EPRS1: variants seen among roughly 807,000 people sequenced by gnomAD.
EPRS1 encodes bifunctional glutamate/proline--tRNA ligase.
EPRS1 carries 107 observed loss-of-function variants against 188.3 expected under a neutral mutation model. The observed-to-expected ratio is 0.57, with a 90% CI of 0.49 to 0.67. The LOEUF is 0.67. Among genes scored for constraint, EPRS1 ranks in the 30% least tolerant of loss-of-function variants. EPRS1 has a pLI of 0.00. For synonymous variants in EPRS1, 596 were observed against 593.1 expected (o/e 1.00, Z -0.07); for missense variants, 1,577 against 1,802.2 (o/e 0.88, Z 2.26).
chr1:220,022,199 C>T, intron 9 of EPRS1, 148 bp downstream of exon 9: 1 of 646,076 alleles, frequency 1.5e-6, no homozygotes, highest in East Asian at 2.7e-5. Context: ...TGAAAGGCTA[C>T]ATGCCTTTAC....
At chr1:219,970,015 T>C (rs1558267681) in intron 30 of EPRS1, among the ~76,000 whole-genome samples, 1 of 151,920 alleles carries the variant, frequency 6.6e-6, no homozygotes, top group Non-Finnish European at 1.5e-5. Context: ...AGAGACGGGG[T>C]TTCGCCATGT....
intron 30 of EPRS1, among the ~76,000 whole-genome samples, chr1:219,969,527 AT>A (rs1367372733): frequency 6.6e-6 from 1 of 152,148 alleles, no homozygotes; most frequent in African/African-American, 2.4e-5. Flanking sequence ...TAGCAAACTG[AT>A]TTTTAATGTG....
At chr1:220,007,406 TAC>T in intron 13 of EPRS1, 68 bp from the exon 14 acceptor site, 1 of 1,471,764 alleles carries the variant, frequency 6.8e-7, no homozygotes, top group South Asian at 1.2e-5. Context: ...TGCAAATTTA[TAC>T]ATTCATTCTA....
At chr1:219,969,168 T>C in intron 30 of EPRS1, 46 bp from the exon 31 acceptor site, 1 of 1,279,102 alleles carries the variant, frequency 7.8e-7, no homozygotes, top group Non-Finnish European at 1.1e-6. Flanking sequence ...ACTCCTTCAA[T>C]TCTATTCTGC....
intron 15 of EPRS1, 35 bp from the exon 16 acceptor site, chr1:220,005,395 C>G: frequency 9.3e-7 from 1 of 1,078,488 alleles, no homozygotes; most frequent in Non-Finnish European, 1.4e-6. Context: ...TACACTTTCT[C>G]AAAATCATAG....
intron 9 of EPRS1, among the ~76,000 whole-genome samples, chr1:220,021,580 T>C (rs1308889096): frequency 1.3e-5 from 2 of 152,218 alleles, no homozygotes; most frequent in Non-Finnish European, 2.9e-5. Flanking sequence ...ACTGAAAATG[T>C]GTATCCAAAG....
chr1:220,032,372 GAAAA>G lies in EPRS1; in HGVS notation c.528+11_528+14del. On this transcript the variant is annotated intron_variant, in intron 5 of 31. Transcript: ENST00000366923. ...AAGTGTTTTTTTTTTTAAAAAAAAAGAAAAAAAGGCTTACCACTCGAGCTTTGGT... is the reference window on the plus strand; with the variant it reads ...AAGTGTTTTTTTTTTTAAAAAAAAAGAAAGGCTTACCACTCGAGCTTTGGT... The G allele has an allele frequency of 1.3e-6, 2 of 1,551,204 alleles. No homozygotes were observed. The highest frequency in any genetic ancestry group is 1.4e-5 in the African/African-American group (1 of 69,568).
intron 24 of EPRS1, among the ~76,000 whole-genome samples, 176 bp from the exon 25 acceptor site, chr1:219,981,033 G>GGGC (rs1346345835): frequency 6.6e-6 from 1 of 151,970 alleles, no homozygotes. Flanking sequence ...CCAAGTAGCT[G>GGGC]GGCTACAGGT....
intron 16 of EPRS1, among the ~76,000 whole-genome samples, chr1:220,004,184 T>C (rs546247773): frequency 3.3e-5 from 5 of 152,240 alleles, no homozygotes; most frequent in African/African-American, 1.2e-4. Flanking sequence ...TGTACCACCA[T>C]GCCTGGTTAA....
rs1395050533 is a variant in EPRS1 at position 220,034,942 on chromosome 1, T to C, written c.203A>G (p.Tyr68Cys). The C allele has an allele frequency of 1.2e-6, 2 of 1,602,368 alleles. No homozygotes were observed. Among genetic ancestry groups the C allele is most frequent in the Non-Finnish European group, 1.7e-6 (2 of 1,170,354 alleles). ...AGTATGTTCCATCAGATTAGAGCCATATAACCCAGCTGTAGTTGCAACTCT... is the reference window on the plus strand; with the variant it reads ...AGTATGTTCCATCAGATTAGAGCCACATAACCCAGCTGTAGTTGCAACTCT... ...LARVATTAGL[Y>C]GSNLMEHTEI... Residue 68 changes from tyrosine (Y) to cysteine (C), a missense_variant, in exon 3 of 32, where the codon TAT becomes TGT. Physicochemically the swap from Tyr to Cys is radical, Grantham distance 194. Transcript: ENST00000366923.
intron 16 of EPRS1, among the ~76,000 whole-genome samples, chr1:220,003,133 C>T (rs561392545): frequency 6.6e-6 from 1 of 152,178 alleles, no homozygotes; most frequent in Non-Finnish European, 1.5e-5. Flanking sequence ...ACATTTCTAA[C>T]CCTTGTTATT....
chr1:219,989,956 A>G (rs1342075929), intron 18 of EPRS1, among the ~76,000 whole-genome samples: 1 of 152,136 alleles, frequency 6.6e-6, no homozygotes, highest in Non-Finnish European at 1.5e-5. Flanking sequence ...CAAGGGGGGA[A>G]AAAAGGGAAA....
rs561700755 is a variant in EPRS1 at position 219,970,995 on chromosome 1, G to T, written c.4323+1074C>A. ...AATTTTCCCAGCTCAAGAAATAAGA[G>T]ACATATTAATACGTTATGACCATAA... is the stretch of plus-strand genomic sequence containing the variant. On this transcript the variant is annotated intron_variant, in intron 30 of 31. Transcript: ENST00000366923. 5.3e-5 allele frequency among the ~76,000 whole-genome samples: 8 copies of T among 152,068 alleles called. No homozygotes were observed. The East Asian group carries it at 1.5e-3, about 29-fold the overall frequency.
At chr1:219,987,495 T>C in intron 19 of EPRS1, 91 bp from the exon 20 acceptor site, 1 of 1,147,082 alleles carries the variant, frequency 8.7e-7, no homozygotes, top group Non-Finnish European at 1.2e-6. Context: ...GCTCAAAGCT[T>C]TCTTTTTTCC....
chr1:219,971,803 C>CACACACACATAA (rs1660672566), intron 30 of EPRS1, among the ~76,000 whole-genome samples: 1 of 59,178 alleles, frequency 1.7e-5, no homozygotes, highest in Non-Finnish European at 3.9e-5. Context: ...TATACATATA[C>CACACACACATAA]ACACACACTA....
At chr1:219,977,457 G>A (rs1372012475) in intron 28 of EPRS1, among the ~76,000 whole-genome samples, 4 of 152,150 alleles carry the variant, frequency 2.6e-5, no homozygotes, top group African/African-American at 7.2e-5. Context: ...AAGAATTCAG[G>A]AATGAACGTG....
At chr1:220,005,858 C>T (rs1196811740) in intron 15 of EPRS1, among the ~76,000 whole-genome samples, 3 of 78,208 alleles carry the variant, frequency 3.8e-5, no homozygotes, top group African/African-American at 6.2e-5. Flanking sequence ...TTTGTAGAGA[C>T]GGGGTTTCAC....
rs1158736102 is a variant in EPRS1 at position 219,997,216 on chromosome 1, T to G, written c.2308A>C (p.Lys770Gln). Residue 770 changes from lysine (K) to glutamine (Q), a missense_variant, in exon 18 of 32, where the codon AAG becomes CAG. Lys to Gln is a moderately conservative substitution (Grantham distance 53). Coordinates refer to ENST00000366923, the MANE Select transcript of EPRS1 (RefSeq NM_004446.3). ...TCTACATCTTCCTTTGGTGCTTTCT[T>G]GGCTTTTAATTCACGAACCACATCT... ...QGDVVRELKAKKAPKEDVDAA... is the reference protein window; with the variant it reads ...QGDVVRELKAQKAPKEDVDAA... 1.2e-6 allele frequency: 2 copies of G among 1,614,132 alleles called. No individual in the cohort carries two copies. The highest frequency in any genetic ancestry group is 1.7e-6 in the Non-Finnish European group (2 of 1,179,984).
In EPRS1 at chr1:220,032,392, G is replaced by T. The variant is rs756747498; in HGVS notation, c.523C>A (p.Arg175=). 1.9e-6 allele frequency: 3 copies of T among 1,590,566 alleles called. No individual in the cohort carries two copies. Among genetic ancestry groups the T allele is most frequent in the Non-Finnish European group, 2.6e-6 (3 of 1,173,464 alleles). Residue 175 remains arginine (R), a synonymous_variant, in exon 5 of 32, where the codon CGA becomes AGA. Transcript: ENST00000366923. ...TKWDVSTTKA[R]VAPEKKQDVG... ...AAAAAGAAAAAAAGGCTTACCACTCGAGCTTTGGTTGTTGAAACATCCCAC... is the reference window on the plus strand; with the variant it reads ...AAAAAGAAAAAAAGGCTTACCACTCTAGCTTTGGTTGTTGAAACATCCCAC...
Sources: allele counts gnomAD v4.1 joint callset (sites outside exome capture counted in the v4.1 genomes callset), GRCh38; gene constraint gnomAD v4.1.1; transcripts MANE v1.5; gene names NCBI Gene and HGNC (gene_info 2026-07-23, HGNC 2026-07-21).